The following NTRK2 variants were observed in gnomAD, a reference collection of about 807,000 sequenced individuals.
NTRK2 encodes BDNF/NT-3 growth factors receptor.
In NTRK2, 13 loss-of-function variants were observed where a neutral mutation model predicts 94.5. The observed-to-expected ratio is 0.14, with a 90% confidence interval of 0.09 to 0.22. The LOEUF is 0.22. NTRK2 is among the 10% of genes least tolerant of loss of function. The pLI, the probability that NTRK2 is intolerant of heterozygous loss-of-function variation, is 1.00. For missense variants in NTRK2, 639 were observed against 1,071.2 expected, an observed-to-expected ratio of 0.60 and a Z score of 5.63; for synonymous variants, 372 against 407.4, an observed-to-expected ratio of 0.91 and a Z score of 1.05.
At chr9:84,875,721 A>T (rs1307610776) in intron 14 of NTRK2, 3 of 1,053,494 alleles carry the variant, frequency 2.8e-6, no homozygotes, top group Middle Eastern at 4.3e-4. Flanking sequence ...CTTAAACTTG[A>T]TGGAGTTTGC....
chr9:84,779,351 A>G (rs1158351317), intron 12 of NTRK2, among the ~76,000 whole-genome samples: 1 of 152,210 alleles, frequency 6.6e-6, no homozygotes, highest in African/African-American at 2.4e-5. Context: ...ATGCATTAAC[A>G]AGCAAAGAGA....
rs201659643 is a variant in NTRK2, at chr9:84,955,301, C to T, written c.1956C>T (p.Ala652=). The stretch of plus-strand genomic sequence containing the variant: ...TCCCCAGGGCACACGGCCCTGATGC[C>T]GTGCTGATGGCTGAGGGCAACCCGC... ...NKFLRAHGPD[A]VLMAEGNPPT... Residue 652 remains alanine (A), a synonymous_variant, in exon 17 of 19, where the codon GCC becomes GCT. Coordinates refer to ENST00000277120, the MANE Select transcript of NTRK2 (RefSeq NM_006180.6). 2.6e-5 allele frequency: 41 copies of T among 1,605,770 alleles called. No homozygotes were observed. Among genetic ancestry groups the T allele is most frequent in the Admixed American group, 5.1e-5 (3 of 59,032 alleles).
chr9:84,977,932 A>G (rs1369817363), intron 17 of NTRK2, among the ~76,000 whole-genome samples: 2 of 152,162 alleles, frequency 1.3e-5, no homozygotes, highest in African/African-American at 4.8e-5. Context: ...TAATGTTACT[A>G]TTGTACTTGT....
In NTRK2 at chr9:84,787,363, C is replaced by T. The variant is rs140074342; in HGVS notation, c.1396+35278C>T. Among the ~76,000 whole-genome samples the T allele has an allele frequency of 4.4e-3, 677 of 152,152 alleles. 11 individuals carry two copies. Among genetic ancestry groups the T allele is most frequent in the African/African-American group, 0.016 (648 of 41,508 alleles). ...ACAAAAAACAGGCACAAAATAATCTCCTGGGTAGCAACAGAGACAACTAAA... is the reference window on the plus strand; with the variant it reads ...ACAAAAAACAGGCACAAAATAATCTTCTGGGTAGCAACAGAGACAACTAAA... On this transcript the variant is annotated intron_variant, in intron 12 of 18. Coordinates refer to ENST00000277120, the MANE Select transcript of NTRK2 (RefSeq NM_006180.6).
rs199504050 is a variant in NTRK2 at position 84,674,474 on chromosome 9, TA to T, written c.212+3523del. ...CTTTGCCATTGCAATTAATTGTACTTAAAAAAAAATCCTGGCATTCACAAAG... is the reference window on the plus strand; with the variant it reads ...CTTTGCCATTGCAATTAATTGTACTTAAAAAAAATCCTGGCATTCACAAAG... On this transcript the variant is annotated intron_variant, in intron 2 of 18. Coordinates refer to ENST00000277120, the MANE Select transcript of NTRK2 (RefSeq NM_006180.6). Among the ~76,000 whole-genome samples, 56 of 151,936 alleles carry T rather than the reference TA, an allele frequency of 3.7e-4. 1 individual carries two copies. The highest frequency in any genetic ancestry group is 9.7e-4 in the African/African-American group (40 of 41,446).
chr9:84,838,464 T>A (rs1273849076), intron 12 of NTRK2, among the ~76,000 whole-genome samples: 1 of 143,556 alleles, frequency 7.0e-6, no homozygotes, highest in East Asian at 2.1e-4. Flanking sequence ...CAGTGTATAT[T>A]GTATATGCAT....
At chr9:84,772,295 C>T (rs1588494617) in intron 12 of NTRK2, among the ~76,000 whole-genome samples, 1 of 152,026 alleles carries the variant, frequency 6.6e-6, no homozygotes. Flanking sequence ...TCTGTCATCA[C>T]CCAGGCTGGA....
At chr9:84,896,456 TA>T (rs761316257) in intron 14 of NTRK2, among the ~76,000 whole-genome samples, 3 of 152,210 alleles carry the variant, frequency 2.0e-5, no homozygotes, top group Non-Finnish European at 2.9e-5. Context: ...AACCCAGTTC[TA>T]ATCACTTGTG....
intron 12 of NTRK2, among the ~76,000 whole-genome samples, chr9:84,780,630 CTG>C (rs1321003879): frequency 6.6e-6 from 1 of 152,178 alleles, no homozygotes; most frequent in Non-Finnish European, 1.5e-5. Context: ...CCTTAAGAGT[CTG>C]TGATTCCCTC....
intron 17 of NTRK2, among the ~76,000 whole-genome samples, chr9:85,001,438 C>T (rs1220301826): frequency 3.3e-5 from 5 of 152,180 alleles, no homozygotes; most frequent in African/African-American, 9.7e-5. Flanking sequence ...CATCTTTGTC[C>T]GTCCCTTTGT....
At chr9:84,876,239 T>C in intron 14 of NTRK2, 1 of 1,042,620 alleles carries the variant, frequency 9.6e-7, no homozygotes, top group Non-Finnish European at 1.2e-6. Context: ...GATAAAGCCC[T>C]ATAGTGTGCA....
intron 12 of NTRK2, among the ~76,000 whole-genome samples, chr9:84,763,336 C>T (rs1229782186): frequency 2.6e-5 from 4 of 152,072 alleles, no homozygotes; most frequent in African/African-American, 9.7e-5. Flanking sequence ...CTGCCTGTAT[C>T]TAACCATTTT....
At chr9:84,719,729 G>A (rs1038232855) in intron 6 of NTRK2, among the ~76,000 whole-genome samples, 1 of 151,986 alleles carries the variant, frequency 6.6e-6, no homozygotes, top group Admixed American at 6.6e-5. Context: ...ATAGAAAGTG[G>A]AAGAGTCGGC....
chr9:84,982,684 T>C (rs1426792577), intron 17 of NTRK2, among the ~76,000 whole-genome samples: 1 of 152,218 alleles, frequency 6.6e-6, no homozygotes, highest in African/African-American at 2.4e-5. Flanking sequence ...TTGTACACAT[T>C]CCATATAATA....
At chr9:84,813,203 A>G in intron 12 of NTRK2, 4 of 1,049,882 alleles carry the variant, frequency 3.8e-6, no homozygotes, top group Non-Finnish European at 4.6e-6. Context: ...AAATGAACAG[A>G]ATGATCTGTG....
intron 14 of NTRK2, chr9:84,876,872 T>A: frequency 9.4e-7 from 1 of 1,062,906 alleles, no homozygotes; most frequent in Non-Finnish European, 1.1e-6. Flanking sequence ...GGAGTCTTTG[T>A]TCTGGGTTGA....
intron 17 of NTRK2, among the ~76,000 whole-genome samples, chr9:84,987,968 T>C (rs775357898): frequency 1.3e-5 from 2 of 152,232 alleles, no homozygotes; most frequent in Non-Finnish European, 2.9e-5. Flanking sequence ...ACTGTTGTAT[T>C]TATTACCCAT....
chr9:84,814,393 C>T (rs1331300295), intron 12 of NTRK2: 1 of 1,063,624 alleles, frequency 9.4e-7, no homozygotes, highest in East Asian at 5.0e-5. Context: ...GGGAAGCCCG[C>T]TTTCTCTCTC....
chr9:84,723,765 G>A (rs913348947), intron 7 of NTRK2, 56 bp downstream of exon 7: 28 of 1,603,808 alleles, frequency 1.7e-5, no homozygotes, highest in African/African-American at 4.0e-5. Context: ...TTCAGAATGC[G>A]AGAATGTATT....
Sources: allele counts gnomAD v4.1 joint callset (sites outside exome capture counted in the v4.1 genomes callset), GRCh38; gene constraint gnomAD v4.1.1; transcripts MANE v1.5; gene names NCBI Gene and HGNC (gene_info 2026-07-23, HGNC 2026-07-21).